The following NF1 variants were observed in gnomAD, a reference collection of about 807,000 sequenced individuals.
NF1 encodes the protein neurofibromin 1, also known as neurofibromin.
In NF1, 122 loss-of-function variants were observed where a neutral mutation model predicts 325.7. The observed-to-expected ratio is 0.37, with a 90% CI of 0.32 to 0.44. The LOEUF is 0.44. Ranked by LOEUF, NF1 falls within the 20% of genes least tolerant of loss-of-function variation. The pLI is 1.00. For synonymous variants in NF1, 1,091 were observed against 1,186.0 expected (o/e 0.92, Z 1.65); for missense variants, 2,140 against 3,415.4 (o/e 0.63, Z 9.31).
rs572951544 is a variant in NF1 at position 31,119,135 on chromosome 17, G to A, written c.60+23766G>A. 4.6e-5 allele frequency among the ~76,000 whole-genome samples: 7 copies of A among 152,076 alleles called. No homozygotes were observed. In the East Asian group the frequency reaches 5.8e-4, roughly 13 times the overall value. ...TTTTTGTATCTTTAGTAGAGACAGC[G>A]TTTCACCATGTTGGGCAGGATGGTC... On this transcript the variant is annotated intron_variant, in intron 1 of 57. Coordinates refer to ENST00000358273, the MANE Select transcript of NF1 (RefSeq NM_001042492.3).
chr17:31,251,711 A>C (rs1432731475), intron 30 of NF1: 1 of 200,558 alleles, frequency 5.0e-6, no homozygotes, highest in Non-Finnish European at 1.0e-5. Context: ...TACCACTGTT[A>C]CTAATACATT....
chr17:31,353,354 A>C (rs749816187), intron 51 of NF1, among the ~76,000 whole-genome samples: 1 of 152,208 alleles, frequency 6.6e-6, no homozygotes, highest in African/African-American at 2.4e-5. Context: ...CCACTAGGCC[A>C]GGTGCAGTGG....
intron 36 of NF1, chr17:31,278,328 A>G (rs954548751): frequency 6.6e-5 from 10 of 150,716 alleles, no homozygotes; most frequent in Non-Finnish European, 1.2e-4. Context: ...TTCAAATTGC[A>G]GTTTTAATAT....
chr17:31,356,906 A>T (rs2151581932), intron 52 of NF1, 54 bp from the exon 53 acceptor site: 6 of 1,608,384 alleles, frequency 3.7e-6, no homozygotes, highest in Non-Finnish European at 5.1e-6. Flanking sequence ...TGAAATAGTT[A>T]GGTGAAGTGA....
intron 21 of NF1, 107 bp from the exon 22 acceptor site, chr17:31,229,728 G>A (rs772460690): frequency 5.3e-5 from 75 of 1,404,244 alleles, no homozygotes; most frequent in Non-Finnish European, 7.2e-5. Context: ...CTCTATGCCT[G>A]TGGGTGCACT....
intron 3 of NF1, among the ~76,000 whole-genome samples, chr17:31,160,511 G>A (rs766875724): frequency 1.3e-5 from 2 of 152,106 alleles, no homozygotes; most frequent in Non-Finnish European, 2.9e-5. Flanking sequence ...GGTATTTTCC[G>A]TTAACTTGTG....
rs141530790 is a variant in NF1 at position 31,211,552 on chromosome 17, G to T, written c.1393-2899G>T. On this transcript the variant is annotated intron_variant, in intron 12 of 57. Coordinates refer to ENST00000358273, the MANE Select transcript of NF1 (RefSeq NM_001042492.3). ...TCAGTCATTGTGCAAACATCATAGAGTCTGCTTACATGAACCTAGATGGTT... is the reference window on the plus strand; with the variant it reads ...TCAGTCATTGTGCAAACATCATAGATTCTGCTTACATGAACCTAGATGGTT... Among the ~76,000 whole-genome samples, 16 of 152,256 alleles carry T rather than the reference G, an allele frequency of 1.1e-4. No homozygotes were observed. In the East Asian group the frequency reaches 3.1e-3, roughly 29 times the overall value.
chr17:31,302,677 T>TA (rs1214165726), intron 36 of NF1, among the ~76,000 whole-genome samples: 2,021 of 147,586 alleles, frequency 0.014, 30 homozygotes, highest in African/African-American at 0.045. Context: ...CCATCTCTAC[T>TA]AAAAAAAAAA....
intron 37 of NF1, among the ~76,000 whole-genome samples, chr17:31,326,911 A>G (rs181083078): frequency 2.0e-4 from 31 of 152,130 alleles, no homozygotes; most frequent in African/African-American, 6.7e-4. Context: ...GTACTTTTCT[A>G]TAAGATTGTT....
chr17:31,126,289 T>C (rs1183311481), intron 1 of NF1, among the ~76,000 whole-genome samples: 1 of 152,246 alleles, frequency 6.6e-6, no homozygotes, highest in Non-Finnish European at 1.5e-5. Flanking sequence ...TTTAGTTTCT[T>C]TTCGGATATT....
At chr17:31,170,040 C>G (rs1371553722) in intron 5 of NF1, 43 bp downstream of exon 5, 1 of 1,239,604 alleles carries the variant, frequency 8.1e-7, no homozygotes. Context: ...ATCACTGGGT[C>G]AAAAACTAGT....
At position 31,181,801 on chromosome 17, in the gene NF1, A is replaced by ATTTTTTTTTTTTTTTTT. The variant is rs71142032; in HGVS notation, c.730+32_730+33insTTTTTTTTTTTTTTTTT. The ATTTTTTTTTTTTTTTTT allele has an allele frequency of 1.9e-5, 23 of 1,218,958 alleles. No homozygotes were observed. Among genetic ancestry groups the ATTTTTTTTTTTTTTTTT allele is most frequent in the African/African-American group, 3.0e-5 (2 of 65,908 alleles). 75.5% of individuals were successfully genotyped at this position (1,218,958 alleles called of 1,614,324 possible). ...GATATGGCTGGTAAGGATACGATTG[A>ATTTTTTTTTTTTTTTTT]TTTTTTTTTTTTTTTTGTCTTTTAA... On this transcript the variant is annotated intron_variant, in intron 7 of 57. Coordinates refer to ENST00000358273, the MANE Select transcript of NF1 (RefSeq NM_001042492.3).
intron 51 of NF1, 171 bp from the exon 52 acceptor site, chr17:31,356,289 T>C (rs987928586): frequency 3.3e-6 from 2 of 612,622 alleles, no homozygotes; most frequent in Admixed American, 3.0e-5. Flanking sequence ...CAAAACCCTT[T>C]GAGAAGATGG....
intron 1 of NF1, among the ~76,000 whole-genome samples, chr17:31,098,258 A>T (rs1164450039): frequency 6.6e-6 from 1 of 151,958 alleles, no homozygotes; most frequent in African/African-American, 2.4e-5. Flanking sequence ...ATCTAATAAG[A>T]GCTTCAGTAT....
chr17:31,136,256 G>C (rs1479610629), intron 1 of NF1: 3 of 149,140 alleles, frequency 2.0e-5, no homozygotes, highest in African/African-American at 7.4e-5. Flanking sequence ...GTGAACCTGG[G>C]AGGCGGAGGT....
At position 31,340,589 on chromosome 17, in the gene NF1, G is replaced by T. The variant is rs587781428; in HGVS notation, c.7006G>T (p.Ala2336Ser). ...DEVNLYSAGT[A>S]LLEQNLHTLD... Reference sequence around the variant, plus strand: ...GGTCAACTTGTATTCAGCAGGTACCGCACTTCTTGAACAAAACCTGCATAC... The same window carrying T: ...GGTCAACTTGTATTCAGCAGGTACCTCACTTCTTGAACAAAACCTGCATAC... The change falls in exon 47 of 58, where the codon GCA becomes TCA. Residue 2336 changes from alanine (A) to serine (S), a missense_variant. By Grantham distance (99) the Ala-to-Ser change is moderately conservative. Around this residue, in one of 10 missense-constraint regions of NF1, gnomAD observed 522 missense variants for 749.0 expected, o/e 0.70. Coordinates refer to ENST00000358273, the MANE Select transcript of NF1 (RefSeq NM_001042492.3). The T allele has an allele frequency of 1.2e-6, 2 of 1,613,928 alleles. No individual in the cohort carries two copies. Among genetic ancestry groups the T allele is most frequent in the Non-Finnish European group, 1.7e-6 (2 of 1,179,986 alleles).
chr17:31,313,472 G>C (rs1313236720), intron 36 of NF1, among the ~76,000 whole-genome samples: 1 of 152,006 alleles, frequency 6.6e-6, no homozygotes, highest in Non-Finnish European at 1.5e-5. Flanking sequence ...GGGAGGCGGA[G>C]GTAAGCGGAT....
intron 11 of NF1, among the ~76,000 whole-genome samples, chr17:31,205,873 G>A (rs577643976): frequency 4.0e-5 from 6 of 151,274 alleles, no homozygotes; most frequent in African/African-American, 7.3e-5. Context: ...ATGTATGCAC[G>A]TGTGCCAGAA....
intron 36 of NF1, among the ~76,000 whole-genome samples, chr17:31,281,312 A>T (rs2068114412): frequency 1.3e-5 from 2 of 152,230 alleles, no homozygotes; most frequent in Admixed American, 1.3e-4. Flanking sequence ...TCATCAGGGC[A>T]GTTGATCCAA....
Sources: allele counts gnomAD v4.1 joint callset (sites outside exome capture counted in the v4.1 genomes callset), GRCh38; gene constraint gnomAD v4.1.1; regional missense constraint gnomAD v4.1.1; transcripts MANE v1.5; gene names NCBI Gene and HGNC (gene_info 2026-07-23, HGNC 2026-07-21).